TACR1: variants seen among roughly 807,000 people sequenced by gnomAD.
The protein encoded by TACR1 is tachykinin receptor 1, also known as substance-P receptor.
In TACR1, 25 loss-of-function variants were observed where a neutral mutation model predicts 35.8. The ratio of observed to expected loss-of-function variants is 0.70; its 90% confidence interval spans 0.51 to 0.98. TACR1 has a LOEUF of 0.98. TACR1 is among the 50% of genes least tolerant of loss of function. The probability of loss-of-function intolerance (pLI) is 0.00; values close to 1 mark genes in which losing one functional copy is unlikely to be tolerated. For synonymous variants in TACR1, 195 were observed against 206.7 expected (o/e 0.94, Z 0.48); for missense variants, 478 against 522.9 (o/e 0.91, Z 0.84).
intron 1 of TACR1, among the ~76,000 whole-genome samples, chr2:75,164,872 A>T (rs779840639): frequency 1.1e-4 from 16 of 152,212 alleles, no homozygotes; most frequent in South Asian, 6.2e-4. Context: ...TTAACACTTT[A>T]TGAAAATAAT....
At chr2:75,168,758 A>T (rs979051810) in intron 1 of TACR1, among the ~76,000 whole-genome samples, 3 of 152,232 alleles carry the variant, frequency 2.0e-5, no homozygotes, top group Admixed American at 6.5e-5. Flanking sequence ...ATTAAAAATC[A>T]TTTTGGTTAA....
At position 75,051,255 on chromosome 2, in the gene TACR1, C is replaced by A. The variant is rs768753495; in HGVS notation, c.928G>T (p.Asp310Tyr). The A allele has an allele frequency of 6.2e-7, 1 of 1,614,128 alleles. No individual in the cohort carries two copies. ...YNPIIYCCLN[D>Y]RFRLGFKHAF... The stretch of plus-strand genomic sequence containing the variant: ...TCATGGGGTTGGGATCCTCACCTGT[C>A]ATTGAGGCAGCAGTAGATGATGGGG... The change falls in exon 4 of 5, where the codon GAC becomes TAC. Residue 310 changes from aspartate to tyrosine, a missense_variant. Physicochemically the swap from Asp to Tyr is radical, Grantham distance 160. Coordinates refer to ENST00000305249, the MANE Select transcript of TACR1 (RefSeq NM_001058.4).
At chr2:75,147,903 C>T (rs1208287864) in intron 1 of TACR1, among the ~76,000 whole-genome samples, 1 of 152,072 alleles carries the variant, frequency 6.6e-6, no homozygotes, top group Admixed American at 6.5e-5. Flanking sequence ...TGCCACCACA[C>T]CTGGCTAATT....
intron 3 of TACR1, among the ~76,000 whole-genome samples, chr2:75,052,557 GA>G (rs961015846): frequency 3.6e-5 from 5 of 140,452 alleles, no homozygotes; most frequent in Admixed American, 1.4e-4. Flanking sequence ...AAGTACCAAA[GA>G]AAAAAAAAAG....
At chr2:75,095,114 G>A (rs1351397018) in intron 2 of TACR1, among the ~76,000 whole-genome samples, 3 of 151,944 alleles carry the variant, frequency 2.0e-5, no homozygotes, top group Non-Finnish European at 2.9e-5. Flanking sequence ...CTTCCATAGG[G>A]TCTGTTCCTG....
chr2:75,146,042 G>C (rs1367830753), intron 1 of TACR1, among the ~76,000 whole-genome samples: 5 of 152,224 alleles, frequency 3.3e-5, no homozygotes, highest in African/African-American at 1.2e-4. Context: ...GGAATGCCAG[G>C]ACAGAGCGGG....
chr2:75,154,980 C>T (rs918005975), intron 1 of TACR1, among the ~76,000 whole-genome samples: 2 of 152,166 alleles, frequency 1.3e-5, no homozygotes, highest in Admixed American at 6.5e-5. Context: ...CTCTCCTTTG[C>T]GTCTCCAAAT....
intron 1 of TACR1, among the ~76,000 whole-genome samples, chr2:75,129,790 A>G (rs537291901): frequency 1.3e-5 from 2 of 152,168 alleles, no homozygotes; most frequent in Admixed American, 6.5e-5. Context: ...TCTTTCCCCA[A>G]GTGGTAAGCA....
rs749162463 is a variant in TACR1 at position 75,198,595 on chromosome 2, C to T, written c.340G>A (p.Ala114Thr). ...YCKFHNFFPIAAVFASIYSMT... is the reference protein window; with the variant it reads ...YCKFHNFFPITAVFASIYSMT... ...GAGTAGATACTGGCGAAGACAGCGG[C>T]GATGGGAAAGAAGTTGTGGAACTTG... Residue 114 changes from alanine (A) to threonine (T), a missense_variant, in exon 1 of 5, where the codon GCC (alanine) becomes ACC (threonine). Physicochemically the swap from Ala to Thr is moderately conservative, Grantham distance 58. Transcript: ENST00000305249. The T allele has an allele frequency of 6.2e-7, 1 of 1,614,104 alleles. No homozygotes were observed.
chr2:75,140,868 A>G (rs73935567), intron 1 of TACR1, among the ~76,000 whole-genome samples: 12,559 of 152,186 alleles, frequency 0.083, 1,085 homozygotes, highest in African/African-American at 0.22. Context: ...ATCTGACTCA[A>G]ACTCCCAGTT....
chr2:75,136,787 A>G (rs780323006), intron 1 of TACR1, among the ~76,000 whole-genome samples: 4 of 152,234 alleles, frequency 2.6e-5, no homozygotes, highest in Non-Finnish European at 4.4e-5. Flanking sequence ...AGTCTCACCA[A>G]ACAGACATTT....
intron 1 of TACR1, among the ~76,000 whole-genome samples, chr2:75,131,957 A>G (rs1674186345): frequency 6.6e-6 from 1 of 152,134 alleles, no homozygotes; most frequent in Non-Finnish European, 1.5e-5. Context: ...GCAAGTTGCA[A>G]TTTCTCAATA....
chr2:75,174,976 T>G (rs759064359), intron 1 of TACR1, among the ~76,000 whole-genome samples: 6 of 152,200 alleles, frequency 3.9e-5, no homozygotes, highest in Non-Finnish European at 5.9e-5. Flanking sequence ...TTGATCAGAA[T>G]CCCAATAGTT....
chr2:75,108,489 T>C (rs1673692596), intron 2 of TACR1, among the ~76,000 whole-genome samples: 1 of 152,154 alleles, frequency 6.6e-6, no homozygotes, highest in South Asian at 2.1e-4. Flanking sequence ...TGATAAACAG[T>C]CTTCTCAGCA....
At position 75,086,322 on chromosome 2, in the gene TACR1, C is replaced by G. The variant is rs569946506; in HGVS notation, c.585-32567G>C. Among the ~76,000 whole-genome samples, 3 of 152,304 alleles carry G rather than the reference C, an allele frequency of 2.0e-5. 1 individual carries two copies. Among genetic ancestry groups the G allele is most frequent in the South Asian group, 4.1e-4 (2 of 4,820 alleles). ...AAAAACTTCATGCAGATTTTATATT[C>G]TAGTCCATGATATGTTTTTGCATGT... On this transcript the variant is annotated intron_variant, in intron 2 of 4. Coordinates refer to ENST00000305249, the MANE Select transcript of TACR1 (RefSeq NM_001058.4).
At chr2:75,076,711 A>G (rs1207450647) in intron 2 of TACR1, among the ~76,000 whole-genome samples, 1 of 152,094 alleles carries the variant, frequency 6.6e-6, no homozygotes, top group Non-Finnish European at 1.5e-5. Context: ...TGGACCTGAC[A>G]ATCACTGGGG....
intron 1 of TACR1, among the ~76,000 whole-genome samples, chr2:75,186,644 T>TA (rs35875548): frequency 0.095 from 13,804 of 145,072 alleles, 788 homozygotes; most frequent in African/African-American, 0.16. Flanking sequence ...TTATTTTTCT[T>TA]AAAAAAAAAA....
At position 75,049,349 on chromosome 2, in the gene TACR1, G is replaced by T; in HGVS notation, c.*83C>A. On this transcript the variant is annotated 3_prime_UTR_variant, in exon 5 of 5. Transcript: ENST00000305249. ...GTCCCAGTGTGAGGGTGTTTCTGAT[G>T]GTTCCAGATGAAGGGAATTTCCATG... is the stretch of plus-strand genomic sequence containing the variant. 1 of 1,458,042 alleles carries T rather than the reference G, an allele frequency of 6.9e-7. No individual in the cohort carries two copies. The highest frequency in any genetic ancestry group is 9.3e-7 in the Non-Finnish European group (1 of 1,073,348). 90.3% of individuals were successfully genotyped at this position (1,458,042 alleles called of 1,614,324 possible).
intron 1 of TACR1, among the ~76,000 whole-genome samples, chr2:75,136,312 C>A (rs1385514529): frequency 6.6e-6 from 1 of 152,164 alleles, no homozygotes; most frequent in Admixed American, 6.5e-5. Flanking sequence ...TATCAGCTCA[C>A]AGCAGAGGAC....
Sources: allele counts gnomAD v4.1 joint callset (sites outside exome capture counted in the v4.1 genomes callset), GRCh38; gene constraint gnomAD v4.1.1; transcripts MANE v1.5; gene names NCBI Gene and HGNC (gene_info 2026-07-23, HGNC 2026-07-21).